Variants in HS2ST1 observed in about 807,000 individuals in gnomAD.
The protein encoded by HS2ST1 is 2-O-sulfotransferase.
A neutral mutation model predicts 42.9 loss-of-function variants in HS2ST1; 18 were observed. The ratio of observed to expected loss-of-function variants is 0.42; its 90% CI spans 0.29 to 0.62. HS2ST1 has a LOEUF of 0.62. Among genes scored for constraint, HS2ST1 ranks in the 20% least tolerant of loss-of-function variants. The pLI, the probability that HS2ST1 is intolerant of heterozygous loss-of-function variation, is 0.21. For synonymous variants in HS2ST1, 146 were observed against 152.9 expected (o/e 0.95, Z 0.33); for missense variants, 334 against 433.8 (o/e 0.77, Z 2.04).
chr1:86,922,376 T>A (rs946581459), intron 1 of HS2ST1, among the ~76,000 whole-genome samples: 1 of 151,882 alleles, frequency 6.6e-6, no homozygotes, highest in Non-Finnish European at 1.5e-5. Context: ...AAAAATTTTT[T>A]AAAAATTTGC....
intron 1 of HS2ST1, among the ~76,000 whole-genome samples, chr1:86,953,455 C>G (rs986936648): frequency 2.6e-5 from 4 of 152,158 alleles, no homozygotes; most frequent in African/African-American, 4.8e-5. Context: ...TTTCAGCATG[C>G]CTTTGATTTA....
intron 1 of HS2ST1, among the ~76,000 whole-genome samples, chr1:87,051,042 T>G (rs1040280977): frequency 1.3e-5 from 2 of 152,118 alleles, no homozygotes; most frequent in African/African-American, 4.8e-5. Context: ...GATTGTGGAG[T>G]GAAGAACTCT....
At chr1:86,918,296 C>T (rs774257813) in intron 1 of HS2ST1, among the ~76,000 whole-genome samples, 9 of 151,870 alleles carry the variant, frequency 5.9e-5, no homozygotes, top group South Asian at 2.1e-4. Flanking sequence ...TATTACAATG[C>T]GGCTTGCTTT....
intron 1 of HS2ST1, among the ~76,000 whole-genome samples, chr1:86,923,274 G>A (rs1457522504): frequency 6.6e-6 from 1 of 152,156 alleles, no homozygotes; most frequent in Non-Finnish European, 1.5e-5. Flanking sequence ...AAAAGAAAGA[G>A]GCTTAATTGG....
intron 1 of HS2ST1, among the ~76,000 whole-genome samples, chr1:86,979,277 G>C (rs1648512540): frequency 6.6e-6 from 1 of 152,038 alleles, no homozygotes; most frequent in Admixed American, 6.6e-5. Flanking sequence ...TCATAGAGTT[G>C]TGCAACCATT....
intron 4 of HS2ST1, among the ~76,000 whole-genome samples, chr1:87,097,177 G>C (rs1359500975): frequency 6.6e-6 from 1 of 152,126 alleles, no homozygotes; most frequent in South Asian, 2.1e-4. Context: ...ATATGCTCTG[G>C]AGGACACAAA....
At position 86,989,350 on chromosome 1, in the gene HS2ST1, A is replaced by G. The variant is rs12031983; in HGVS notation, c.124+74190A>G. On this transcript the variant is annotated intron_variant, in intron 1 of 6. Transcript: ENST00000370550. The stretch of plus-strand genomic sequence containing the variant: ...TATTTTACCTGAGGGCTTACCTTCT[A>G]TTAGCAAACACTTTATCCACCTTTA... Among the ~76,000 whole-genome samples the G allele has an allele frequency of 1.8e-3, 268 of 152,336 alleles. 2 individuals are homozygous for G. The East Asian group carries it at 0.034, about 19-fold the overall frequency.
At chr1:87,024,187 A>T (rs1426085910) in intron 1 of HS2ST1, among the ~76,000 whole-genome samples, 1 of 152,058 alleles carries the variant, frequency 6.6e-6, no homozygotes, top group Non-Finnish European at 1.5e-5. Flanking sequence ...AAATTGAGAG[A>T]TCAGTAGTCA....
At chr1:86,985,198 A>C (rs1648721502) in intron 1 of HS2ST1, among the ~76,000 whole-genome samples, 1 of 149,634 alleles carries the variant, frequency 6.7e-6, no homozygotes, top group Admixed American at 6.7e-5. Context: ...TACTAAAAAT[A>C]CAAAAAATTA....
At chr1:87,007,714 G>T (rs1449139905) in intron 1 of HS2ST1, among the ~76,000 whole-genome samples, 1 of 151,966 alleles carries the variant, frequency 6.6e-6, no homozygotes, top group African/African-American at 2.4e-5. Flanking sequence ...AGTATTTGCA[G>T]TGTGACATAG....
At chr1:86,986,587 C>T (rs1346654708) in intron 1 of HS2ST1, among the ~76,000 whole-genome samples, 2 of 152,128 alleles carry the variant, frequency 1.3e-5, no homozygotes, top group African/African-American at 4.8e-5. Context: ...CTACATTGCC[C>T]AGTGGTAATC....
At chr1:87,067,201 G>A (rs6694314) in intron 1 of HS2ST1, among the ~76,000 whole-genome samples, 152,220 of 152,220 alleles carry the variant, frequency 1, 76,110 homozygotes, top group Non-Finnish European at 1. Context: ...GTGTAAAAGT[G>A]TTCCTATTTC....
Position 87,073,128 on chromosome 1 carries a change from A to G in HS2ST1, c.319A>G (p.Ile107Val). 2 of 1,613,602 alleles carry G rather than the reference A, an allele frequency of 1.2e-6. No homozygotes were observed. Among genetic ancestry groups the G allele is most frequent in the Non-Finnish European group, 8.5e-7 (1 of 1,179,498 alleles). ...CAKNKYHVLHINTTKNNPVMS... is the reference protein window; with the variant it reads ...CAKNKYHVLHVNTTKNNPVMS... ...AAAGAATAAATACCATGTCCTTCATATCAACACTACCAAAAATAATCCAGT... is the reference window on the plus strand; with the variant it reads ...AAAGAATAAATACCATGTCCTTCATGTCAACACTACCAAAAATAATCCAGT... The change falls in exon 2 of 7, where the codon ATC becomes GTC. Residue 107 changes from isoleucine to valine, a missense_variant. By Grantham distance (29) the Ile-to-Val change is conservative. Coordinates refer to ENST00000370550, the MANE Select transcript of HS2ST1 (RefSeq NM_012262.4).
chr1:86,957,887 C>T (rs1016944406), intron 1 of HS2ST1, among the ~76,000 whole-genome samples: 35 of 151,544 alleles, frequency 2.3e-4, no homozygotes, highest in African/African-American at 8.2e-4. Context: ...CTCTGCCTCC[C>T]GGGTTCAACG....
rs956793403 is a variant in HS2ST1 at position 87,088,196 on chromosome 1, G to C, written c.449+3917G>C. On this transcript the variant is annotated intron_variant, in intron 3 of 6. Coordinates refer to ENST00000370550, the MANE Select transcript of HS2ST1 (RefSeq NM_012262.4). ...TATTTCCAACTCTTAATTGGGCATT[G>C]TATAAGACTCTTAGCCTCCATTATT... 2.0e-5 allele frequency among the ~76,000 whole-genome samples: 3 copies of C among 152,144 alleles called. No individual in the cohort carries two copies. In the East Asian group the frequency reaches 5.8e-4, roughly 29 times the overall value.
At chr1:86,916,564 C>T (rs1660162398) in intron 1 of HS2ST1, among the ~76,000 whole-genome samples, 1 of 152,160 alleles carries the variant, frequency 6.6e-6, no homozygotes, top group South Asian at 2.1e-4. Flanking sequence ...TTACTTCCAG[C>T]CCTCAATTCT....
chr1:86,925,930 C>CTGGA (rs1660407802), intron 1 of HS2ST1, among the ~76,000 whole-genome samples: 1 of 152,160 alleles, frequency 6.6e-6, no homozygotes, highest in African/African-American at 2.4e-5. Flanking sequence ...TAATTTTTAA[C>CTGGA]TGGATGGCAG....
At chr1:87,037,119 G>C (rs1650395153) in intron 1 of HS2ST1, among the ~76,000 whole-genome samples, 1 of 32,706 alleles carries the variant, frequency 3.1e-5, no homozygotes, top group African/African-American at 6.0e-5. Flanking sequence ...TTTTTAATCT[G>C]CTCCCAACTT....
At chr1:86,945,943 TA>T (rs1350289880) in intron 1 of HS2ST1, among the ~76,000 whole-genome samples, 1 of 152,184 alleles carries the variant, frequency 6.6e-6, no homozygotes, top group African/African-American at 2.4e-5. Context: ...CGAGGCTCTT[TA>T]AAACAAAATT....
Sources: gnomAD v4.1 joint callset for allele counts (sites outside exome capture counted in the v4.1 genomes callset) on GRCh38, gnomAD v4.1.1 for gene constraint, MANE v1.5 for transcripts, NCBI Gene and HGNC (gene_info 2026-07-23, HGNC 2026-07-21) for gene names.